Variants in KCNIP4 observed in about 807,000 individuals in gnomAD.
The protein encoded by KCNIP4 is potassium voltage-gated channel interacting protein 4.
A neutral mutation model predicts 34.0 loss-of-function variants in KCNIP4; 12 were observed. The observed-to-expected ratio is 0.35, with a 90% CI of 0.23 to 0.57. KCNIP4 has a LOEUF of 0.57. Among genes scored for constraint, KCNIP4 ranks in the 20% least tolerant of loss-of-function variants. KCNIP4 has a pLI of 0.83. For synonymous variants in KCNIP4, 124 were observed against 102.2 expected (o/e 1.21, Z -1.29); for missense variants, 238 against 311.7 (o/e 0.76, Z 1.78).
At chr4:21,570,543 G>A (rs572383269) in intron 1 of KCNIP4, among the ~76,000 whole-genome samples, 1 of 152,214 alleles carries the variant, frequency 6.6e-6, no homozygotes, top group African/African-American at 2.4e-5. Flanking sequence ...TCTAAAAAGG[G>A]AGGACAGGAG....
intron 1 of KCNIP4, among the ~76,000 whole-genome samples, chr4:21,660,249 A>G (rs1461216393): frequency 6.6e-6 from 1 of 152,126 alleles, no homozygotes; most frequent in African/African-American, 2.4e-5. Context: ...TAATACATGA[A>G]AGGCAGAGAT....
At chr4:21,676,155 A>T (rs760849644) in intron 1 of KCNIP4, among the ~76,000 whole-genome samples, 2 of 152,136 alleles carry the variant, frequency 1.3e-5, no homozygotes, top group Non-Finnish European at 2.9e-5. Context: ...GACTGCCTTC[A>T]CCAGCTGTTT....
At chr4:20,977,279 T>C (rs996974925) in intron 1 of KCNIP4, among the ~76,000 whole-genome samples, 4 of 152,220 alleles carry the variant, frequency 2.6e-5, no homozygotes, top group African/African-American at 9.6e-5. Context: ...AGCATGACTC[T>C]GGCTTCTTGA....
intron 1 of KCNIP4, among the ~76,000 whole-genome samples, chr4:21,210,285 A>G (rs1020310762): frequency 9.2e-5 from 14 of 152,204 alleles, no homozygotes; most frequent in Non-Finnish European, 1.8e-4. Context: ...AAACTGCCAA[A>G]GCCAGTATGG....
Position 21,422,193 on chromosome 4 carries a change from C to A in KCNIP4, c.61+526378G>T, listed in dbSNP as rs1438787811. Among the ~76,000 whole-genome samples the A allele has an allele frequency of 2.0e-5, 3 of 146,434 alleles. No individual in the cohort carries two copies. The South Asian group carries it at 6.6e-4, about 32-fold the overall frequency. ...TTTTATATTATAAAATTTCTGCAGC[C>A]TACTTTTTTTTTTTTTTTTTGAGAC... On this transcript the variant is annotated intron_variant, in intron 1 of 8. Coordinates refer to ENST00000382152, the MANE Select transcript of KCNIP4 (RefSeq NM_025221.6).
intron 1 of KCNIP4, among the ~76,000 whole-genome samples, chr4:21,604,691 AC>A (rs2109129197): frequency 6.6e-6 from 1 of 152,302 alleles, no homozygotes; most frequent in East Asian, 1.9e-4. Flanking sequence ...TACACGGACT[AC>A]CTCTGAAAAA....
intron 1 of KCNIP4, among the ~76,000 whole-genome samples, chr4:21,338,474 G>A (rs1469049218): frequency 2.7e-5 from 4 of 148,548 alleles, no homozygotes; most frequent in African/African-American, 9.9e-5. Flanking sequence ...AGGCATACTG[G>A]CATGTTCTTG....
intron 2 of KCNIP4, among the ~76,000 whole-genome samples, chr4:20,863,419 C>T (rs1722421513): frequency 6.6e-6 from 1 of 152,112 alleles, no homozygotes; most frequent in Non-Finnish European, 1.5e-5. Flanking sequence ...CTTAGGTTTA[C>T]AATAGTGATG....
intron 1 of KCNIP4, among the ~76,000 whole-genome samples, chr4:21,561,347 TAGAA>T (rs1420379129): frequency 2.6e-5 from 4 of 151,874 alleles, no homozygotes; most frequent in Admixed American, 6.6e-5. Context: ...ATTTCCCTGA[TAGAA>T]AGAAAAGAAA....
intron 1 of KCNIP4, among the ~76,000 whole-genome samples, chr4:21,710,283 G>A (rs1033757673): frequency 6.6e-6 from 1 of 151,986 alleles, no homozygotes; most frequent in African/African-American, 2.4e-5. Flanking sequence ...GCAGTCTGAG[G>A]ACGACCACAC....
In KCNIP4 at chr4:21,027,331, C is replaced by G. The variant is rs186510845; in HGVS notation, c.62-144622G>C. On this transcript the variant is annotated intron_variant, in intron 1 of 8. Transcript: ENST00000382152. Reference sequence around the variant, plus strand: ...TAGAGTGGTTGGAACAGAAGCTGTGCGGCCCGTGAAGTCTTAAATACTTAC... The same window carrying G: ...TAGAGTGGTTGGAACAGAAGCTGTGGGGCCCGTGAAGTCTTAAATACTTAC... 9.9e-3 allele frequency among the ~76,000 whole-genome samples: 1,506 copies of G among 152,034 alleles called. 28 individuals are homozygous for G. The highest frequency in any genetic ancestry group is 0.035 in the African/African-American group (1,432 of 41,456).
intron 1 of KCNIP4, chr4:21,544,401 T>C (rs931371240): frequency 6.6e-6 from 1 of 152,190 alleles, no homozygotes; most frequent in African/African-American, 2.4e-5. Context: ...GTTCTGTAGG[T>C]TGGACGTCTG....
intron 1 of KCNIP4, among the ~76,000 whole-genome samples, chr4:21,242,345 C>T (rs559797748): frequency 2.2e-4 from 33 of 152,130 alleles, no homozygotes; most frequent in African/African-American, 7.5e-4. Flanking sequence ...AAACACTGCA[C>T]TTAGTTAAGA....
chr4:21,714,780 CCTTTG>C (rs1225543210), intron 1 of KCNIP4, among the ~76,000 whole-genome samples: 4 of 49,410 alleles, frequency 8.1e-5, no homozygotes, highest in African/African-American at 5.7e-4. Flanking sequence ...TAGTAATTTC[CCTTTG>C]ATTATTTTAT....
chr4:21,749,248 T>C (rs1716986289), intron 1 of KCNIP4, among the ~76,000 whole-genome samples: 1 of 152,128 alleles, frequency 6.6e-6, no homozygotes, highest in African/African-American at 2.4e-5. Context: ...AAGCTCATTC[T>C]CAATGGAAAA....
At chr4:21,136,406 G>A (rs538946444) in intron 1 of KCNIP4, among the ~76,000 whole-genome samples, 3 of 152,156 alleles carry the variant, frequency 2.0e-5, no homozygotes, top group East Asian at 3.9e-4. Flanking sequence ...TTCTCTTTTC[G>A]GATATTACCA....
chr4:21,872,254 C>T (rs566005958), intron 1 of KCNIP4, among the ~76,000 whole-genome samples: 2 of 152,256 alleles, frequency 1.3e-5, no homozygotes, highest in South Asian at 2.1e-4. Flanking sequence ...AACCCACCTA[C>T]CTTCTTTCTC....
intron 1 of KCNIP4, among the ~76,000 whole-genome samples, chr4:21,540,282 GA>G (rs1737572466): frequency 1.3e-5 from 2 of 152,116 alleles, no homozygotes; most frequent in South Asian, 4.1e-4. Context: ...ATATTTAAAA[GA>G]AGAAGTTCTA....
intron 1 of KCNIP4, among the ~76,000 whole-genome samples, chr4:21,241,416 TG>T (rs1372165046): frequency 6.6e-6 from 1 of 152,112 alleles, no homozygotes; most frequent in Non-Finnish European, 1.5e-5. Context: ...GAAGAGGAAA[TG>T]GGTTCATTCT....
Sources: allele counts gnomAD v4.1 joint callset (sites outside exome capture counted in the v4.1 genomes callset), GRCh38; gene constraint gnomAD v4.1.1; transcripts MANE v1.5; gene names NCBI Gene and HGNC (gene_info 2026-07-23, HGNC 2026-07-21).